OTOP3: variants seen among roughly 807,000 people sequenced by gnomAD.
OTOP3 encodes proton channel OTOP3.
A neutral mutation model predicts 50.8 loss-of-function variants in OTOP3; 41 were observed. The ratio of observed to expected loss-of-function variants is 0.81; its 90% CI spans 0.63 to 1.05. OTOP3 has a LOEUF of 1.05. Ranked by LOEUF, OTOP3 falls within the 50% of genes least tolerant of loss-of-function variation. The probability of loss-of-function intolerance (pLI) is 0.00; values close to 1 mark genes in which losing one functional copy is unlikely to be tolerated. For synonymous variants in OTOP3, 320 were observed against 324.4 expected (o/e 0.99, Z 0.14); for missense variants, 788 against 760.8 (o/e 1.04, Z -0.42).
intron 1 of OTOP3, 139 bp downstream of exon 1, chr17:74,936,079 G>A (rs962416672): frequency 1.8e-5 from 24 of 1,360,182 alleles, no homozygotes; most frequent in Non-Finnish European, 2.1e-5. Context: ...CTGTGGAGAG[G>A]TGAACTCCCT....
At chr17:74,944,759 A>G (rs907172255) in intron 5 of OTOP3, among the ~76,000 whole-genome samples, 1 of 152,226 alleles carries the variant, frequency 6.6e-6, no homozygotes, top group Non-Finnish European at 1.5e-5. Flanking sequence ...CTGTCATAAA[A>G]CAAAATAAAA....
intron 5 of OTOP3, among the ~76,000 whole-genome samples, 183 bp from the exon 6 acceptor site, chr17:74,946,478 A>G (rs2039224884): frequency 6.6e-6 from 1 of 152,242 alleles, no homozygotes; most frequent in Non-Finnish European, 1.5e-5. Context: ...TTGAAAAAGA[A>G]TGACCATTCT....
At chr17:74,938,922 CT>C (rs1448182689) in intron 1 of OTOP3, among the ~76,000 whole-genome samples, 1 of 151,806 alleles carries the variant, frequency 6.6e-6, no homozygotes, top group Non-Finnish European at 1.5e-5. Flanking sequence ...AATCCCAGCA[CT>C]TTGGGAACCT....
Position 74,937,108 on chromosome 17 carries a change from G to A in OTOP3, c.19+1168G>A, listed in dbSNP as rs149866466. 3.9e-5 allele frequency among the ~76,000 whole-genome samples: 6 copies of A among 152,020 alleles called. No individual in the cohort carries two copies. The East Asian group carries it at 7.8e-4, about 20-fold the overall frequency. On this transcript the variant is annotated intron_variant, in intron 1 of 6. Coordinates refer to ENST00000328801, the MANE Select transcript of OTOP3 (RefSeq NM_001272005.2). ...CTCCCGAGTAGCTGGGACTACAGGT[G>A]CATGCCACTACACCTGGCTAATTGT...
rs78168725 is a variant in OTOP3 at position 74,946,935 on chromosome 17, C to A, written c.1026C>A (p.Ile342=). ...AGVCVFVLFQ[I]EASGPAIACQ... Reference sequence around the variant, plus strand: ...TGTGCGTCTTTGTGCTCTTCCAAATCGAGGCCAGTGGCCCTGCCATTGCTT... The same window carrying A: ...TGTGCGTCTTTGTGCTCTTCCAAATAGAGGCCAGTGGCCCTGCCATTGCTT... Residue 342 remains isoleucine (I), a synonymous_variant, in exon 6 of 7, where the codon ATC becomes ATA. Coordinates refer to ENST00000328801, the MANE Select transcript of OTOP3 (RefSeq NM_001272005.2). 6.2e-7 allele frequency: 1 copy of A among 1,612,884 alleles called. No individual in the cohort carries two copies. The highest frequency in any genetic ancestry group is 8.5e-7 in the Non-Finnish European group (1 of 1,179,946).
At chr17:74,947,994 A>G (rs1279782207) in intron 6 of OTOP3, among the ~76,000 whole-genome samples, 1 of 152,226 alleles carries the variant, frequency 6.6e-6, no homozygotes, top group Admixed American at 6.5e-5. Context: ...TGTAAGTGGC[A>G]GGGCTGGGAC....
At position 74,943,678 on chromosome 17, in the gene OTOP3, C is replaced by T. The variant is rs868169199; in HGVS notation, c.705C>T (p.His235=). 1 of 1,612,308 alleles carries T rather than the reference C, an allele frequency of 6.2e-7. No individual in the cohort carries two copies. The change falls in exon 5 of 7, where the codon CAC becomes CAT. Residue 235 remains histidine, a synonymous_variant. Transcript: ENST00000328801. ...WVLAVTNDSM[H]REIEAELGIL... is the part of the protein sequence containing the mutation. ...TGGCCGTTACCAATGACTCCATGCA[C>T]CGAGAGATCGAAGCTGAGCTTGGCA... is the stretch of plus-strand genomic sequence containing the variant.
rs1033184094 is a variant in OTOP3, at chr17:74,939,804, G to A, written c.20-1589G>A. Among the ~76,000 whole-genome samples, 7 of 152,166 alleles carry A rather than the reference G, an allele frequency of 4.6e-5. No homozygotes were observed. The East Asian group carries it at 1.2e-3, about 25-fold the overall frequency. On this transcript the variant is annotated intron_variant, in intron 1 of 6. Transcript: ENST00000328801. ...AAAGTCAACCTTCAAAGTCAAGGGC[G>A]TGGCAGCGATGCTGATCCAGGCCTG...
Position 74,941,517 on chromosome 17 carries a change from G to A in OTOP3, c.144G>A (p.Lys48=). The change falls in exon 2 of 7, where the codon AAG becomes AAA. Residue 48 remains lysine, a synonymous_variant. Transcript: ENST00000328801. ...ERAAATRPRQ[K]SWLVRHFSLL... is the part of the protein sequence containing the mutation. ...CGGCCGCCACCCGGCCCCGGCAGAA[G>A]TCCTGGCTGGTGAGGCATTTCTCTC... 2 of 1,613,858 alleles carry A rather than the reference G, an allele frequency of 1.2e-6. No homozygotes were observed.
chr17:74,942,185 A>G (rs2039183899), intron 3 of OTOP3, 148 bp downstream of exon 3: 9 of 995,420 alleles, frequency 9.0e-6, no homozygotes, highest in Admixed American at 8.9e-5. Flanking sequence ...CACACCCCTC[A>G]CACAAGTGTC....
chr17:74,940,757 C>A (rs1487985784), intron 1 of OTOP3, among the ~76,000 whole-genome samples: 1 of 152,198 alleles, frequency 6.6e-6, no homozygotes, highest in African/African-American at 2.4e-5. Flanking sequence ...TTCCACGAAA[C>A]TGCTCCCTGG....
chr17:74,944,988 C>G (rs1487405917), intron 5 of OTOP3, among the ~76,000 whole-genome samples: 1 of 151,854 alleles, frequency 6.6e-6, no homozygotes, highest in Non-Finnish European at 1.5e-5. Flanking sequence ...CGCTCTGTCA[C>G]CCAGGCTGGA....
chr17:74,949,351 C>A lies in OTOP3; in HGVS notation c.1672C>A (p.Pro558Thr). 6.2e-7 allele frequency: 1 copy of A among 1,614,056 alleles called. No individual in the cohort carries two copies. Among genetic ancestry groups the A allele is most frequent in the East Asian group, 2.2e-5 (1 of 44,880 alleles). ...GTTCGCCATCGTCAACTTCGGCCTGCCTCTGGGGGTCTTCTACCGCATGCA... is the reference window on the plus strand; with the variant it reads ...GTTCGCCATCGTCAACTTCGGCCTGACTCTGGGGGTCTTCTACCGCATGCA... Reference protein sequence around the residue: ...IWFAIVNFGLPLGVFYRMHSV... With the variant: ...IWFAIVNFGLTLGVFYRMHSV... Residue 558 changes from proline (P) to threonine (T), a missense_variant, in exon 7 of 7, where the codon CCT becomes ACT. Coordinates refer to ENST00000328801, the MANE Select transcript of OTOP3 (RefSeq NM_001272005.2).
rs1420772807 is a variant in OTOP3, at chr17:74,941,991, T to C, written c.527T>C (p.Leu176Pro). 5.0e-6 allele frequency: 8 copies of C among 1,613,758 alleles called. No individual in the cohort carries two copies. Among genetic ancestry groups the C allele is most frequent in the South Asian group, 1.1e-5 (1 of 91,028 alleles). Residue 176 changes from leucine (L) to proline (P), a missense_variant, in exon 3 of 7, where the codon CTG (leucine) becomes CCG (proline). Leu to Pro is a moderately conservative substitution (Grantham distance 98). Coordinates refer to ENST00000328801, the MANE Select transcript of OTOP3 (RefSeq NM_001272005.2). ...AGCCACATCCGCTGCAAGTCACAGC[T>C]GGACCTTGTCTTCTCTGTCATCGAG... ...DVSHIRCKSQ[L>P]DLVFSVIEMV...
chr17:74,936,615 T>G (rs548209748), intron 1 of OTOP3, among the ~76,000 whole-genome samples: 1 of 152,220 alleles, frequency 6.6e-6, no homozygotes, highest in South Asian at 2.1e-4. Context: ...TTCGCTCCTT[T>G]GAAGGCTCAC....
Position 74,946,569 on chromosome 17 carries a change from T to A in OTOP3, c.752-92T>A, listed in dbSNP as rs759878340. 102 of 1,143,970 alleles carry A rather than the reference T, an allele frequency of 8.9e-5. 1 individual carries two copies. The highest frequency in any genetic ancestry group is 1.2e-4 in the Non-Finnish European group (100 of 807,760). 70.9% of individuals were successfully genotyped at this position (1,143,970 alleles called of 1,614,324 possible). On this transcript the variant is annotated intron_variant, in intron 5 of 6. Transcript: ENST00000328801. ...GGCTGGGTCGCTTTCAGCTCTAGTG[T>A]ATTCCAGGGAATGGGAGGTATCTGT... is the stretch of plus-strand genomic sequence containing the variant.
intron 1 of OTOP3, among the ~76,000 whole-genome samples, chr17:74,939,377 T>C (rs56757782): frequency 0.16 from 24,194 of 151,738 alleles, 2,920 homozygotes; most frequent in East Asian, 0.37. Flanking sequence ...AACCCTGAGC[T>C]CAGAGCACAA....
At chr17:74,941,861 T>C in intron 2 of OTOP3, 40 bp from the exon 3 acceptor site, 1 of 1,591,152 alleles carries the variant, frequency 6.3e-7, no homozygotes, top group Non-Finnish European at 8.6e-7. Flanking sequence ...GGAGAGCCGG[T>C]TCCGCGCAGG....
intron 6 of OTOP3, among the ~76,000 whole-genome samples, chr17:74,948,449 C>T (rs1383819158): frequency 6.6e-6 from 1 of 152,126 alleles, no homozygotes; most frequent in African/African-American, 2.4e-5. Context: ...TCATTTGAGG[C>T]CAGGAGTTGG....
Sources: gnomAD v4.1 joint callset for allele counts (sites outside exome capture counted in the v4.1 genomes callset) on GRCh38, gnomAD v4.1.1 for gene constraint, MANE v1.5 for transcripts, NCBI Gene and HGNC (gene_info 2026-07-23, HGNC 2026-07-21) for gene names.